The following IQGAP2 variants were observed in gnomAD, a reference collection of about 807,000 sequenced individuals.
IQGAP2 encodes the protein ras GTPase-activating-like protein IQGAP2.
A neutral mutation model predicts 201.3 loss-of-function variants in IQGAP2; 173 were observed. The ratio of observed to expected loss-of-function variants is 0.86; its 90% confidence interval spans 0.76 to 0.98. IQGAP2 has a LOEUF of 0.98. Among genes scored for constraint, IQGAP2 ranks in the 50% least tolerant of loss-of-function variants. The pLI is 0.00. For missense variants in IQGAP2, 1,687 were observed against 1,864.8 expected (o/e 0.90, Z 1.76); for synonymous variants, 675 against 673.9 (o/e 1.00, Z -0.03).
intron 23 of IQGAP2, among the ~76,000 whole-genome samples, chr5:76,670,079 T>C (rs1201379451): frequency 6.6e-6 from 1 of 152,088 alleles, no homozygotes; most frequent in African/African-American, 2.4e-5. Context: ...CCCAGAGAGA[T>C]GGCGGGTGAA....
intron 1 of IQGAP2, among the ~76,000 whole-genome samples, chr5:76,417,933 G>A (rs919459848): frequency 6.6e-6 from 1 of 151,614 alleles, no homozygotes; most frequent in Non-Finnish European, 1.5e-5. Flanking sequence ...TCCTGGCTGG[G>A]CGCGGTGGCT....
intron 1 of IQGAP2, chr5:76,404,378 G>A (rs1750682990): frequency 2.6e-6 from 2 of 770,456 alleles, no homozygotes; most frequent in Admixed American, 6.3e-5. Context: ...GTGGCTTCAT[G>A]TGCAGAGTTC....
In IQGAP2 at chr5:76,610,050, T is replaced by TTC. The variant is rs71604297; in HGVS notation, c.1358-944_1358-943dup. The stretch of plus-strand genomic sequence containing the variant: ...CCCTATAGTCAGTCTTGTTCTCTCT[T>TTC]TCTCTCTCTCTCTCTCTCTCTCTCT... On this transcript the variant is annotated intron_variant, in intron 12 of 35. Coordinates refer to ENST00000274364, the MANE Select transcript of IQGAP2 (RefSeq NM_006633.5). Among the ~76,000 whole-genome samples, 162 of 19,036 alleles carry TTC rather than the reference T, an allele frequency of 8.5e-3. 7 individuals are homozygous for TTC. Among genetic ancestry groups the TTC allele is most frequent in the African/African-American group, 0.023 (75 of 3,294 alleles). 12.5% of individuals were successfully genotyped at this position (19,036 alleles called of 152,430 possible).
At chr5:76,423,631 A>T (rs913869701) in intron 1 of IQGAP2, among the ~76,000 whole-genome samples, 1 of 152,208 alleles carries the variant, frequency 6.6e-6, no homozygotes, top group Admixed American at 6.5e-5. Context: ...AAAAAAGGAG[A>T]AATAGTGCTT....
intron 24 of IQGAP2, 21 bp downstream of exon 24, chr5:76,672,004 T>G (rs778034113): frequency 1.9e-6 from 3 of 1,549,680 alleles, no homozygotes; most frequent in Non-Finnish European, 1.8e-6. Context: ...CAGGAAGGTG[T>G]TGGTCTTCTG....
chr5:76,563,642 A>G (rs1209211605), intron 3 of IQGAP2, among the ~76,000 whole-genome samples: 2 of 152,216 alleles, frequency 1.3e-5, no homozygotes, highest in Non-Finnish European at 2.9e-5. Flanking sequence ...CTGGTGTTCT[A>G]TTCTGCAATA....
intron 14 of IQGAP2, chr5:76,628,699 C>T (rs536273816): frequency 2.2e-6 from 1 of 456,208 alleles, no homozygotes; most frequent in African/African-American, 2.0e-5. Flanking sequence ...GCTTTTCAAC[C>T]TCGGAAGCAT....
At chr5:76,592,771 A>G (rs545609034) in intron 8 of IQGAP2, 67 bp from the exon 9 acceptor site, 1 of 1,042,786 alleles carries the variant, frequency 9.6e-7, no homozygotes, top group Non-Finnish European at 1.5e-6. Context: ...ACATTTTTCC[A>G]TTTGAATTTC....
chr5:76,468,706 A>G (rs1223015922), intron 2 of IQGAP2, among the ~76,000 whole-genome samples: 1 of 152,204 alleles, frequency 6.6e-6, no homozygotes, highest in African/African-American at 2.4e-5. Context: ...AGTCCAGTTC[A>G]ACCTCTTTAG....
intron 30 of IQGAP2, among the ~76,000 whole-genome samples, chr5:76,688,770 A>G (rs1409681042): frequency 1.3e-5 from 2 of 151,710 alleles, no homozygotes; most frequent in Non-Finnish European, 3.0e-5. Flanking sequence ...TATATATATT[A>G]AAATAAACAT....
At chr5:76,695,708 ATT>A in intron 32 of IQGAP2, 42 bp downstream of exon 32, 1 of 1,507,500 alleles carries the variant, frequency 6.6e-7, no homozygotes. Flanking sequence ...CTTAGCAGAC[ATT>A]TGCTAATCAC....
chr5:76,503,687 G>T (rs1287353083), intron 2 of IQGAP2, among the ~76,000 whole-genome samples: 1 of 151,992 alleles, frequency 6.6e-6, no homozygotes, highest in African/African-American at 2.4e-5. Flanking sequence ...CGCCTCTTGG[G>T]TTCAGGTGAT....
chr5:76,587,867 A>G (rs1457845231), intron 5 of IQGAP2, among the ~76,000 whole-genome samples: 1 of 150,718 alleles, frequency 6.6e-6, no homozygotes, highest in Non-Finnish European at 1.5e-5. Flanking sequence ...AATCGCTTGA[A>G]CCCAGAAGGT....
intron 2 of IQGAP2, among the ~76,000 whole-genome samples, chr5:76,480,393 T>C (rs1327865465): frequency 1.3e-5 from 2 of 152,192 alleles, no homozygotes; most frequent in African/African-American, 2.4e-5. Context: ...TATTCCTTTC[T>C]CCCTCAATTA....
intron 2 of IQGAP2, among the ~76,000 whole-genome samples, chr5:76,473,664 T>A (rs545992182): frequency 3.9e-5 from 6 of 152,366 alleles, no homozygotes; most frequent in African/African-American, 1.2e-4. Context: ...TTTGTACTTC[T>A]CTATGATGTA....
chr5:76,680,819 T>A (rs1256149820), intron 28 of IQGAP2, among the ~76,000 whole-genome samples: 22 of 139,862 alleles, frequency 1.6e-4, no homozygotes, highest in Non-Finnish European at 2.3e-4. Context: ...AAAAAAAAAA[T>A]TTCATCCAGG....
At chr5:76,520,868 C>T (rs113568003) in intron 2 of IQGAP2, among the ~76,000 whole-genome samples, 7,100 of 152,054 alleles carry the variant, frequency 0.047, 244 homozygotes, top group Middle Eastern at 0.1. Context: ...CCACCATGCC[C>T]GGCTAATTTT....
intron 2 of IQGAP2, among the ~76,000 whole-genome samples, chr5:76,472,931 G>C (rs1015817383): frequency 8.5e-5 from 13 of 152,134 alleles, no homozygotes; most frequent in African/African-American, 3.1e-4. Context: ...TACTCACCAG[G>C]CACGGTGCTT....
intron 2 of IQGAP2, among the ~76,000 whole-genome samples, chr5:76,466,285 C>T (rs985676128): frequency 1.3e-5 from 2 of 152,122 alleles, no homozygotes; most frequent in Admixed American, 6.6e-5. Flanking sequence ...CAGTGAGTTA[C>T]GATCACACCA....
Sources: allele counts gnomAD v4.1 joint callset (sites outside exome capture counted in the v4.1 genomes callset), GRCh38; gene constraint gnomAD v4.1.1; transcripts MANE v1.5; gene names NCBI Gene and HGNC (gene_info 2026-07-23, HGNC 2026-07-21).